The following SPECC1L variants were observed in gnomAD, a reference collection of about 807,000 sequenced individuals.
SPECC1L encodes sperm antigen with calponin homology and coiled-coil domains 1 like.
SPECC1L carries 40 observed loss-of-function variants against 116.8 expected under a neutral mutation model. The ratio of observed to expected loss-of-function variants is 0.34; its 90% CI spans 0.27 to 0.45. The LOEUF is 0.45. SPECC1L is among the 20% of genes least tolerant of loss of function. The pLI is 1.00. For synonymous variants in SPECC1L, 504 were observed against 500.6 expected, an observed-to-expected ratio of 1.01 and a Z score of -0.09; for missense variants, 1,110 against 1,373.6, an observed-to-expected ratio of 0.81 and a Z score of 3.03.
At chr22:24,412,744 T>C (rs776118291) in intron 16 of SPECC1L, 37 bp downstream of exon 16, 43 of 1,605,378 alleles carry the variant, frequency 2.7e-5, no homozygotes, top group Non-Finnish European at 3.4e-5. Flanking sequence ...GGCAGGGCCC[T>C]CCTTCTGGTT....
chr22:24,316,850 G>T (rs2040581330), intron 4 of SPECC1L, among the ~76,000 whole-genome samples: 2 of 136,566 alleles, frequency 1.5e-5, no homozygotes, highest in Non-Finnish European at 3.2e-5. Context: ...TCCCAGTAGG[G>T]GCGGCCGGGC....
intron 2 of SPECC1L, among the ~76,000 whole-genome samples, chr22:24,279,294 C>A (rs1364174625): frequency 6.6e-6 from 1 of 152,174 alleles, no homozygotes; most frequent in Non-Finnish European, 1.5e-5. Flanking sequence ...AGATATGCAA[C>A]CTGGTTGCGC....
At chr22:24,337,934 C>T (rs1050231198) in intron 9 of SPECC1L, among the ~76,000 whole-genome samples, 1 of 152,136 alleles carries the variant, frequency 6.6e-6, no homozygotes, top group Admixed American at 6.5e-5. Flanking sequence ...GTGATGGACT[C>T]TGCAGGAGGA....
chr22:24,411,080 C>T (rs1396664775), intron 14 of SPECC1L, among the ~76,000 whole-genome samples: 1 of 151,930 alleles, frequency 6.6e-6, no homozygotes, highest in Non-Finnish European at 1.5e-5. Context: ...CCCAGCTACT[C>T]GGGAGGCTGA....
intron 11 of SPECC1L, among the ~76,000 whole-genome samples, chr22:24,350,649 C>A (rs537485812): frequency 6.6e-6 from 1 of 151,764 alleles, no homozygotes; most frequent in African/African-American, 2.4e-5. Context: ...AAGTTGTGTC[C>A]TAGGCATCTT....
intron 4 of SPECC1L, among the ~76,000 whole-genome samples, chr22:24,315,762 C>T (rs892253930): frequency 1.3e-5 from 2 of 152,204 alleles, no homozygotes; most frequent in Admixed American, 6.5e-5. Context: ...GACTGGATGG[C>T]TTAAGCCACA....
At position 24,321,557 on chromosome 22, in the gene SPECC1L, A is replaced by G. The variant is rs1193189160; in HGVS notation, c.577A>G (p.Lys193Glu). Reference protein sequence around the residue: ...AKVKDLLTLAKTKDVEILHLR... With the variant: ...AKVKDLLTLAETKDVEILHLR... ...AGTGAAGGATCTTCTCACGCTGGCA[A>G]AAACCAAAGACGTAGAAATTTTACA... The change falls in exon 5 of 17, where the codon AAA becomes GAA. Residue 193 changes from lysine (K) to glutamate (E), a missense_variant. By Grantham distance (56) the Lys-to-Glu change is moderately conservative (BLOSUM62 1). Around this residue, in one of 4 missense-constraint regions of SPECC1L, gnomAD observed 437 missense variants for 482.6 expected, o/e 0.91. Transcript: ENST00000314328. The G allele has an allele frequency of 2.5e-6, 4 of 1,614,220 alleles. No individual in the cohort carries two copies. The South Asian group carries it at 4.4e-5, about 18-fold the overall frequency.
rs1232996474 is a variant in SPECC1L, at chr22:24,417,112, C to T, written c.*2489C>T. On this transcript the variant is annotated 3_prime_UTR_variant, in exon 17 of 17. Transcript: ENST00000314328. ...TCTCCAAGAAGCCACTTTGCCTCTTCTCCCTTCAAGCACAAGCTTTACTGC... is the reference window on the plus strand; with the variant it reads ...TCTCCAAGAAGCCACTTTGCCTCTTTTCCCTTCAAGCACAAGCTTTACTGC... 1 of 152,572 alleles carries T rather than the reference C, an allele frequency of 6.6e-6. No homozygotes were observed. The highest frequency in any genetic ancestry group is 1.5e-5 in the Non-Finnish European group (1 of 68,044). The allele number at this position is 152,572 out of a possible 1,614,324, so 9.5% of individuals were successfully genotyped here.
At chr22:24,345,860 CTG>C (rs1345133794) in intron 10 of SPECC1L, among the ~76,000 whole-genome samples, 1 of 152,108 alleles carries the variant, frequency 6.6e-6, no homozygotes, top group Admixed American at 6.5e-5. Flanking sequence ...TGGGCGAAAT[CTG>C]TGGGAGTGAA....
intron 2 of SPECC1L, among the ~76,000 whole-genome samples, chr22:24,290,526 TCA>T (rs2049137962): frequency 1.3e-5 from 2 of 152,232 alleles, no homozygotes; most frequent in Admixed American, 1.3e-4. Flanking sequence ...TGTGCCTCAG[TCA>T]GTAAGCATTG....
At chr22:24,277,266 C>G (rs1448154646) in intron 2 of SPECC1L, among the ~76,000 whole-genome samples, 1 of 152,212 alleles carries the variant, frequency 6.6e-6, no homozygotes, top group African/African-American at 2.4e-5. Context: ...CTTCCTCTCC[C>G]AGTCTCCGGT....
At chr22:24,329,521 A>G (rs2040895663) in intron 7 of SPECC1L, among the ~76,000 whole-genome samples, 1 of 152,166 alleles carries the variant, frequency 6.6e-6, no homozygotes, top group Non-Finnish European at 1.5e-5. Flanking sequence ...GGAGAAAGCT[A>G]CTCAGTCGTT....
intron 2 of SPECC1L, among the ~76,000 whole-genome samples, chr22:24,293,644 G>C (rs1268422349): frequency 4.0e-5 from 6 of 150,816 alleles, no homozygotes; most frequent in African/African-American, 9.7e-5. Flanking sequence ...TAATAGTCTT[G>C]CTGAGCTCTG....
intron 15 of SPECC1L, among the ~76,000 whole-genome samples, chr22:24,412,009 G>C (rs79686722): frequency 0.034 from 5,216 of 152,292 alleles, 185 homozygotes; most frequent in African/African-American, 0.083. Context: ...AAGAAGCTCC[G>C]TGAAGGCAGG....
At position 24,321,673 on chromosome 22, in the gene SPECC1L, T is replaced by C; in HGVS notation, c.693T>C (p.Ile231=). The C allele has an allele frequency of 6.2e-7, 1 of 1,614,256 alleles. No homozygotes were observed. Among genetic ancestry groups the C allele is most frequent in the South Asian group, 1.1e-5 (1 of 91,090 alleles). Reference sequence around the variant, plus strand: ...ATGAAAAATCTGAGAAGGAAACTATTATGGCTCACCAGCCGACTGATGTGG... The same window carrying C: ...ATGAAAAATCTGAGAAGGAAACTATCATGGCTCACCAGCCGACTGATGTGG... ...EGDEKSEKET[I]MAHQPTDVES... The change falls in exon 5 of 17, where the codon ATT becomes ATC. Residue 231 remains isoleucine (I), a synonymous_variant. Coordinates refer to ENST00000314328, the MANE Select transcript of SPECC1L (RefSeq NM_015330.6).
intron 1 of SPECC1L, among the ~76,000 whole-genome samples, chr22:24,274,154 G>C (rs2048786382): frequency 6.6e-6 from 1 of 152,184 alleles, no homozygotes; most frequent in South Asian, 2.1e-4. Flanking sequence ...CTAGATGCGA[G>C]GTAAAGAACC....
At chr22:24,398,797 C>T (rs2042414744) in intron 14 of SPECC1L, among the ~76,000 whole-genome samples, 1 of 152,156 alleles carries the variant, frequency 6.6e-6, no homozygotes, top group Admixed American at 6.5e-5. Context: ...CTAAAGAGGC[C>T]AGGAAAGCTT....
Position 24,404,340 on chromosome 22 carries a change from C to T in SPECC1L, c.3088-7248C>T, listed in dbSNP as rs568025849. On this transcript the variant is annotated intron_variant, in intron 14 of 16. Transcript: ENST00000314328. ...CTCTCCGCACTGCTCTCCTGACTCACGTGTCAGCACCACCAAGCACCTTTG... is the reference window on the plus strand; with the variant it reads ...CTCTCCGCACTGCTCTCCTGACTCATGTGTCAGCACCACCAAGCACCTTTG... 5.3e-5 allele frequency among the ~76,000 whole-genome samples: 8 copies of T among 152,296 alleles called. 1 individual carries two copies. The highest frequency in any genetic ancestry group is 2.1e-4 in the South Asian group (1 of 4,826).
chr22:24,363,323 G>T lies in SPECC1L; in HGVS notation c.2806G>T (p.Glu936Ter). 1 of 1,614,154 alleles carries T rather than the reference G, an allele frequency of 6.2e-7. No individual in the cohort carries two copies. Among genetic ancestry groups the T allele is most frequent in the Non-Finnish European group, 8.5e-7 (1 of 1,180,016 alleles). ...PASLPRVPAM[E>*]SAKTLSVSRR... ...TTCCCTGCCAAGAGTGCCTGCGATG[G>T]AAAGTGCCAAGACCCTCTCAGGTGA... Residue 936 changes from glutamate to a stop codon, truncating the protein, a stop_gained, in exon 12 of 17, where the codon GAA (glutamate) becomes TAA (stop). Transcript: ENST00000314328. LOFTEE classifies it high-confidence loss of function.
Sources: allele counts gnomAD v4.1 joint callset (sites outside exome capture counted in the v4.1 genomes callset), GRCh38; gene constraint gnomAD v4.1.1; regional missense constraint gnomAD v4.1.1; transcripts MANE v1.5; gene names NCBI Gene and HGNC (gene_info 2026-07-23, HGNC 2026-07-21).